Variants in MYT1L observed in about 807,000 individuals in gnomAD.
MYT1L encodes myelin transcription factor 1 like.
A neutral mutation model predicts 126.7 loss-of-function variants in MYT1L; 12 were observed. That is an observed-to-expected ratio of 0.09 (90% CI 0.06 to 0.15). The LOEUF (loss-of-function observed/expected upper bound fraction) is 0.15, where lower values mean the gene tolerates loss of function less well. Ranked by LOEUF, MYT1L falls within the 10% of genes least tolerant of loss-of-function variation. The probability of loss-of-function intolerance (pLI) is 1.00; values close to 1 mark genes in which losing one functional copy is unlikely to be tolerated. For missense variants in MYT1L, 979 were observed against 1,585.2 expected, an observed-to-expected ratio of 0.62 and a Z score of 6.49; for synonymous variants, 541 against 604.2, an observed-to-expected ratio of 0.90 and a Z score of 1.53.
intron 2 of MYT1L, among the ~76,000 whole-genome samples, chr2:2,239,466 T>C (rs1447777479): frequency 1.3e-5 from 2 of 152,194 alleles, no homozygotes; most frequent in Non-Finnish European, 2.9e-5. Flanking sequence ...TCAAGGAAAG[T>C]TAAAGTATTA....
At chr2:1,983,285 G>A (rs897715186) in intron 5 of MYT1L, among the ~76,000 whole-genome samples, 2 of 152,176 alleles carry the variant, frequency 1.3e-5, no homozygotes, top group African/African-American at 2.4e-5. Context: ...GATAATTTAT[G>A]AAAGATGCCA....
At chr2:2,281,856 C>A (rs923943298) in intron 2 of MYT1L, among the ~76,000 whole-genome samples, 1 of 152,058 alleles carries the variant, frequency 6.6e-6, no homozygotes, top group Non-Finnish European at 1.5e-5. Flanking sequence ...GAATGAGTTG[C>A]CTTGTTGAGT....
intron 4 of MYT1L, among the ~76,000 whole-genome samples, chr2:2,003,391 C>G (rs530805846): frequency 6.6e-6 from 1 of 152,276 alleles, no homozygotes; most frequent in Admixed American, 6.5e-5. Flanking sequence ...ACAACCCAGG[C>G]CCCCAGTCCA....
At chr2:2,021,659 A>T (rs956906207) in intron 4 of MYT1L, among the ~76,000 whole-genome samples, 5 of 152,194 alleles carry the variant, frequency 3.3e-5, no homozygotes, top group Admixed American at 2.6e-4. Flanking sequence ...GCACTTTGCG[A>T]GGCCAAGGCA....
chr2:2,303,614 C>CA (rs2095817384), intron 1 of MYT1L: 3 of 152,252 alleles, frequency 2.0e-5, no homozygotes, highest in Admixed American at 2.0e-4. Flanking sequence ...TGTGTTCAGG[C>CA]AGTTCTCAGC....
intron 1 of MYT1L, among the ~76,000 whole-genome samples, chr2:2,298,458 A>G (rs1274727296): frequency 1.3e-5 from 2 of 152,220 alleles, no homozygotes; most frequent in African/African-American, 2.4e-5. Context: ...GCTTTACAAT[A>G]ATAATCTACC....
intron 2 of MYT1L, among the ~76,000 whole-genome samples, chr2:2,189,553 CACTT>C (rs1175890973): frequency 1.3e-5 from 2 of 152,108 alleles, no homozygotes; most frequent in African/African-American, 4.8e-5. Context: ...AATATATAAT[CACTT>C]ATATTAACAG....
chr2:2,192,241 G>C (rs769117420), intron 2 of MYT1L, among the ~76,000 whole-genome samples: 1 of 152,232 alleles, frequency 6.6e-6, no homozygotes, highest in African/African-American at 2.4e-5. Flanking sequence ...GATGCACTCG[G>C]AGTGCAGTCT....
At chr2:1,891,379 G>A (rs974508162) in intron 15 of MYT1L, among the ~76,000 whole-genome samples, 1 of 152,112 alleles carries the variant, frequency 6.6e-6, no homozygotes, top group Non-Finnish European at 1.5e-5. Context: ...TGGTGGCCTC[G>A]GCGAGGCAGC....
intron 3 of MYT1L, among the ~76,000 whole-genome samples, chr2:2,119,477 C>T (rs1415757127): frequency 6.6e-6 from 1 of 152,160 alleles, no homozygotes; most frequent in African/African-American, 2.4e-5. Flanking sequence ...TATCTCAATG[C>T]AGACTACTGA....
intron 4 of MYT1L, among the ~76,000 whole-genome samples, chr2:2,015,163 T>G (rs2149788986): frequency 6.6e-6 from 1 of 152,278 alleles, no homozygotes; most frequent in Admixed American, 6.5e-5. Flanking sequence ...ATGCATGGCC[T>G]CAAGAGCACT....
intron 9 of MYT1L, among the ~76,000 whole-genome samples, chr2:1,939,069 C>G (rs7591787): frequency 6.6e-6 from 1 of 152,172 alleles, no homozygotes; most frequent in African/African-American, 2.4e-5. Flanking sequence ...GACTTTCTCT[C>G]TACTCGCAAG....
intron 21 of MYT1L, among the ~76,000 whole-genome samples, chr2:1,822,709 A>C (rs1443030922): frequency 1.3e-5 from 2 of 152,024 alleles, no homozygotes; most frequent in African/African-American, 4.8e-5. Flanking sequence ...CAGGACCCGG[A>C]TATCTGGGTC....
rs924365499 is a variant in MYT1L at position 1,793,803 on chromosome 2, G to A, written c.3277-1339C>T. ...GACCTTCTCATTCGTGTTCTTTGGGGTTATTTATCAAATTAATGTTCCCCT... is the reference window on the plus strand; with the variant it reads ...GACCTTCTCATTCGTGTTCTTTGGGATTATTTATCAAATTAATGTTCCCCT... On this transcript the variant is annotated intron_variant, in intron 23 of 24. Transcript: ENST00000647738. This position sits in a 1 kb window ranked among gnomAD's most constrained non-coding sequence, Gnocchi z 4.6. Among the ~76,000 whole-genome samples the A allele has an allele frequency of 2.0e-5, 3 of 152,124 alleles. No homozygotes were observed. The highest frequency in any genetic ancestry group is 2.9e-5 in the Non-Finnish European group (2 of 68,040).
chr2:2,185,286 A>G (rs1010552233), intron 2 of MYT1L, among the ~76,000 whole-genome samples: 1 of 152,236 alleles, frequency 6.6e-6, no homozygotes, highest in African/African-American at 2.4e-5. Flanking sequence ...TATTTGTGCT[A>G]TTTAATTAAA....
chr2:2,223,863 T>G (rs1862113), intron 2 of MYT1L, among the ~76,000 whole-genome samples: 118,638 of 152,160 alleles, frequency 0.78, 46,680 homozygotes, highest in East Asian at 0.98. Context: ...CAGGAGGCTT[T>G]CCTGTGAAAA....
At chr2:2,145,940 T>A (rs1313204288) in intron 3 of MYT1L, among the ~76,000 whole-genome samples, 1 of 152,194 alleles carries the variant, frequency 6.6e-6, no homozygotes, top group Non-Finnish European at 1.5e-5. Context: ...TCCTTTCTGC[T>A]TAGAATGTGA....
At chr2:2,069,651 T>C (rs750511386) in intron 3 of MYT1L, among the ~76,000 whole-genome samples, 2 of 152,064 alleles carry the variant, frequency 1.3e-5, no homozygotes, top group Non-Finnish European at 2.9e-5. Flanking sequence ...CACCACACTG[T>C]CTTCCATAAT....
At chr2:2,103,574 G>A (rs536376433) in intron 3 of MYT1L, among the ~76,000 whole-genome samples, 10 of 152,284 alleles carry the variant, frequency 6.6e-5, no homozygotes, top group Non-Finnish European at 1.5e-4. Flanking sequence ...CAGCTTAAAC[G>A]GGGAACTCAT....
Sources: gnomAD v4.1 joint callset for allele counts (sites outside exome capture counted in the v4.1 genomes callset) on GRCh38, gnomAD v4.1.1 for gene constraint, Gnocchi (gnomAD v3.1) non-coding constraint, MANE v1.5 for transcripts, NCBI Gene and HGNC (gene_info 2026-07-23, HGNC 2026-07-21) for gene names.